SLC25A48: variants seen among roughly 807,000 people sequenced by gnomAD.
SLC25A48 encodes CTC-321K16.1.
In SLC25A48, 29 loss-of-function variants were observed where a neutral mutation model predicts 32.2. The observed-to-expected ratio is 0.90, with a 90% CI of 0.67 to 1.23. The LOEUF (loss-of-function observed/expected upper bound fraction) is 1.23. SLC25A48 is among the 50% of genes most tolerant of loss of function. The pLI is 0.00. For synonymous variants in SLC25A48, 164 were observed against 172.3 expected, an observed-to-expected ratio of 0.95 and a Z score of 0.38; for missense variants, 399 against 422.7, an observed-to-expected ratio of 0.94 and a Z score of 0.49.
At position 135,874,003 on chromosome 5, in the gene SLC25A48, G is replaced by GT. The variant is rs1761861385; in HGVS notation, c.680-15dup. ...CCTAAGGAGCTAGCCCCTGACACCT[G>GT]TTTCTTTCTCTTTGCAGGAGCAATT... is the stretch of plus-strand genomic sequence containing the variant. On this transcript the variant is annotated splice_polypyrimidine_tract_variant and intron_variant, in intron 5 of 7. Transcript: ENST00000681962. 6.5e-7 allele frequency: 1 copy of GT among 1,528,216 alleles called. No individual in the cohort carries two copies. The highest frequency in any genetic ancestry group is 1.4e-5 in the African/African-American group (1 of 72,242). 94.7% of individuals were successfully genotyped at this position (1,528,216 alleles called of 1,614,324 possible).
intron 3 of SLC25A48, among the ~76,000 whole-genome samples, chr5:135,852,178 G>T (rs1374439139): frequency 6.6e-6 from 1 of 152,170 alleles, no homozygotes; most frequent in Non-Finnish European, 1.5e-5. Flanking sequence ...GAATGTTTCT[G>T]TTGTGGTATA....
At chr5:135,833,781 C>G (rs545410858), upstream of SLC25A48, among the ~76,000 whole-genome samples, 1 of 152,162 alleles carries the variant, frequency 6.6e-6, no homozygotes, top group Non-Finnish European at 1.5e-5. Context: ...AGTGGACAGG[C>G]CTTTGTAGGA....
At chr5:135,851,300 C>T (rs913847801) in intron 3 of SLC25A48, among the ~76,000 whole-genome samples, 3 of 152,156 alleles carry the variant, frequency 2.0e-5, no homozygotes, top group Admixed American at 6.5e-5. Flanking sequence ...CTCCCTTGAT[C>T]GGCTGCTTTA....
intron 3 of SLC25A48, among the ~76,000 whole-genome samples, chr5:135,700,018 T>C (rs2126965336): frequency 6.6e-6 from 1 of 152,244 alleles, no homozygotes. Flanking sequence ...TTTAATTCTG[T>C]CTGCCCCTCA....
At chr5:135,767,692 G>A (rs897563830) in intron 3 of SLC25A48, among the ~76,000 whole-genome samples, 1 of 151,694 alleles carries the variant, frequency 6.6e-6, no homozygotes. Flanking sequence ...TTATTGCAGG[G>A]GGTGTACACC....
chr5:135,657,299 C>T (rs1171796467), intron 3 of SLC25A48, among the ~76,000 whole-genome samples: 1 of 152,224 alleles, frequency 6.6e-6, no homozygotes, highest in East Asian at 1.9e-4. Context: ...TACTCTTCTA[C>T]TGCAGAGACA....
At chr5:135,598,365 G>A (rs1751708437) in intron 1 of SLC25A48, among the ~76,000 whole-genome samples, 1 of 152,176 alleles carries the variant, frequency 6.6e-6, no homozygotes, top group Admixed American at 6.5e-5. Context: ...GCCTGTGCCA[G>A]GAACTTGGAC....
intron 3 of SLC25A48, among the ~76,000 whole-genome samples, chr5:135,734,463 A>G (rs1263287410): frequency 3.3e-5 from 5 of 152,154 alleles, no homozygotes; most frequent in Non-Finnish European, 2.9e-5. Flanking sequence ...TACCCGCAAC[A>G]GTTATGGAGG....
At chr5:135,862,852 G>T (rs1760909409) in intron 4 of SLC25A48, among the ~76,000 whole-genome samples, 1 of 152,158 alleles carries the variant, frequency 6.6e-6, no homozygotes, top group Non-Finnish European at 1.5e-5. Context: ...TGGAAGATGT[G>T]GAGTAAGTTG....
chr5:135,749,284 C>CAAA (rs141008958), intron 3 of SLC25A48, among the ~76,000 whole-genome samples: 16 of 149,354 alleles, frequency 1.1e-4, no homozygotes, highest in African/African-American at 3.9e-4. Flanking sequence ...GTGTTCCACA[C>CAAA]ACAAAAAAAA....
At chr5:135,688,050 C>T (rs1462443123) in intron 3 of SLC25A48, among the ~76,000 whole-genome samples, 1 of 8,462 alleles carries the variant, frequency 1.2e-4, no homozygotes, top group Admixed American at 6.4e-4. Context: ...TTCCCCAGCC[C>T]CAGCAACCGC....
intron 3 of SLC25A48, among the ~76,000 whole-genome samples, chr5:135,772,132 C>G (rs73789151): frequency 1.3e-5 from 2 of 151,338 alleles, no homozygotes; most frequent in African/African-American, 2.4e-5. Context: ...TAATATTACT[C>G]CCAGTATCAC....
chr5:135,864,224 C>A (rs1177211430), intron 4 of SLC25A48, among the ~76,000 whole-genome samples: 1 of 152,194 alleles, frequency 6.6e-6, no homozygotes, highest in African/African-American at 2.4e-5. Flanking sequence ...TTCCCTGAAT[C>A]CTCAGAGTTG....
At chr5:135,700,347 GGGTGA>G (rs1754362471) in intron 3 of SLC25A48, among the ~76,000 whole-genome samples, 1 of 126,922 alleles carries the variant, frequency 7.9e-6, no homozygotes, top group African/African-American at 2.9e-5. Context: ...ACTCTAGCCT[GGGTGA>G]CAGAGCAAGA....
intron 3 of SLC25A48, among the ~76,000 whole-genome samples, chr5:135,769,143 C>T (rs183749588): frequency 7.8e-4 from 118 of 150,622 alleles, no homozygotes; most frequent in South Asian, 5.4e-3. Context: ...CTACCAATAT[C>T]GCAAGGGGTG....
intron 4 of SLC25A48, chr5:135,824,470 C>T (rs559360892): frequency 2.6e-5 from 4 of 152,486 alleles, no homozygotes; most frequent in Admixed American, 2.0e-4. Context: ...GAGGATGACC[C>T]AGGACCCTTG....
intron 1 of SLC25A48, among the ~76,000 whole-genome samples, chr5:135,587,427 G>A (rs934435893): frequency 2.6e-5 from 4 of 152,270 alleles, no homozygotes; most frequent in East Asian, 1.9e-4. Context: ...TCTCAGTCTC[G>A]TTTGCTGTCA....
chr5:135,888,294 G>C lies in SLC25A48; in HGVS notation c.*270G>C. The C allele has an allele frequency of 4.1e-6, 2 of 492,426 alleles. No homozygotes were observed. The highest frequency in any genetic ancestry group is 7.3e-6 in the Non-Finnish European group (2 of 274,570). The allele number at this position is 492,426 out of a possible 1,614,324, so 30.5% of individuals were successfully genotyped here. A position where few individuals can be genotyped will look rare whatever the true frequency, so the allele number is the denominator to read the frequency against. ...AGCTTTCCAAGAAATGTTTGGTCCAGCTGAGAAGTCCTGACCATGAGCACC... is the reference window on the plus strand; with the variant it reads ...AGCTTTCCAAGAAATGTTTGGTCCACCTGAGAAGTCCTGACCATGAGCACC... On this transcript the variant is annotated 3_prime_UTR_variant, in exon 8 of 8. Coordinates refer to ENST00000681962, the MANE Select transcript of SLC25A48 (RefSeq NM_001349336.2).
chr5:135,814,128 G>C (rs1199466247), intron 4 of SLC25A48, among the ~76,000 whole-genome samples: 1 of 152,212 alleles, frequency 6.6e-6, no homozygotes, highest in Non-Finnish European at 1.5e-5. Flanking sequence ...GCCAGGTGTT[G>C]AGAGTGACTT....
Sources: allele counts gnomAD v4.1 joint callset (sites outside exome capture counted in the v4.1 genomes callset), GRCh38; gene constraint gnomAD v4.1.1; transcripts MANE v1.5; gene names NCBI Gene and HGNC (gene_info 2026-07-23, HGNC 2026-07-21).